STAT1: variants seen among roughly 807,000 people sequenced by gnomAD.
STAT1 encodes signal transducer and activator of transcription 1-alpha/beta.
A neutral mutation model predicts 111.7 loss-of-function variants in STAT1; 24 were observed. The ratio of observed to expected loss-of-function variants is 0.21; its 90% CI spans 0.16 to 0.30. STAT1 has a LOEUF of 0.30. Ranked by LOEUF, STAT1 falls within the 10% of genes least tolerant of loss-of-function variation. The probability of loss-of-function intolerance (pLI) is 1.00; values close to 1 mark genes in which losing one functional copy is unlikely to be tolerated. For synonymous variants in STAT1, 332 were observed against 326.5 expected, an observed-to-expected ratio of 1.02 and a Z score of -0.18; for missense variants, 351 against 911.9, an observed-to-expected ratio of 0.38 and a Z score of 7.92.
intron 10 of STAT1, among the ~76,000 whole-genome samples, chr2:190,994,692 G>A (rs1164778470): frequency 1.3e-5 from 2 of 151,928 alleles, no homozygotes; most frequent in African/African-American, 4.8e-5. Context: ...AGGCCGAGGA[G>A]GGCAGATCAC....
intron 4 of STAT1, 120 bp downstream of exon 4, chr2:191,008,843 A>T: frequency 1.0e-6 from 1 of 998,814 alleles, no homozygotes; most frequent in East Asian, 2.6e-5. Context: ...AAATGGAGTT[A>T]GTCTCTATTA....
chr2:190,991,907 C>G (rs1693372339), intron 10 of STAT1, among the ~76,000 whole-genome samples: 1 of 152,096 alleles, frequency 6.6e-6, no homozygotes, highest in Admixed American at 6.6e-5. Context: ...TGTTCATTTA[C>G]ATGTCAGAAT....
chr2:190,978,607 C>A lies in STAT1; in HGVS notation c.1873+249G>T. ...CATCCTTGATCTGCAGATAACAAAC[C>A]TGATGCAAAGGAAAGAATTGGCATT... On this transcript the variant is annotated intron_variant, in intron 21 of 24. Coordinates refer to ENST00000361099, the MANE Select transcript of STAT1 (RefSeq NM_007315.4). The surrounding 1 kb of genome is among the most constrained non-coding windows in gnomAD (Gnocchi z 6.1). The A allele has an allele frequency of 1.8e-6, 1 of 556,838 alleles. No individual in the cohort carries two copies. The highest frequency in any genetic ancestry group is 3.3e-6 in the Non-Finnish European group (1 of 307,384). The allele number at this position is 556,838 out of a possible 1,614,324, so 34.5% of individuals were successfully genotyped here.
In STAT1 at chr2:190,978,165, ACAAAT is replaced by A. The variant is rs1189567283; in HGVS notation, c.1873+686_1873+690del. Among the ~76,000 whole-genome samples the A allele has an allele frequency of 6.6e-6, 1 of 152,186 alleles. No individual in the cohort carries two copies. The highest frequency in any genetic ancestry group is 1.5e-5 in the Non-Finnish European group (1 of 68,028). The stretch of plus-strand genomic sequence containing the variant: ...CACTGAAAGTATAAAAATTACTAAA[ACAAAT>A]CAGTTTTTCCTCCTGCCCTTCAAAC... On this transcript the variant is annotated intron_variant, in intron 21 of 24. Coordinates refer to ENST00000361099, the MANE Select transcript of STAT1 (RefSeq NM_007315.4). The surrounding 1 kb of genome is among the most constrained non-coding windows in gnomAD (Gnocchi z 6.1).
rs983285461 is a variant in STAT1 at position 190,987,731 on chromosome 2, G to A, written c.1098-663C>T. Among the ~76,000 whole-genome samples the A allele has an allele frequency of 7.2e-5, 11 of 152,220 alleles. No individual in the cohort carries two copies. The highest frequency in any genetic ancestry group is 2.1e-4 in the South Asian group (1 of 4,822). On this transcript the variant is annotated intron_variant, in intron 12 of 24. Transcript: ENST00000361099. This position sits in a 1 kb window ranked among gnomAD's most constrained non-coding sequence, Gnocchi z 4.0. ...CTGGCCAAATAATGTATCCGTGAGC[G>A]TCCTAGATGTAGACTAGAAATCATG...
chr2:190,980,205 C>T lies in STAT1; in HGVS notation c.1633-339G>A, dbSNP rs925745580. Among the ~76,000 whole-genome samples the T allele has an allele frequency of 5.9e-5, 9 of 152,216 alleles. No homozygotes were observed. The highest frequency in any genetic ancestry group is 3.9e-4 in the Admixed American group (6 of 15,288). On this transcript the variant is annotated intron_variant, in intron 19 of 24. Coordinates refer to ENST00000361099, the MANE Select transcript of STAT1 (RefSeq NM_007315.4). This position sits in a 1 kb window ranked among gnomAD's most constrained non-coding sequence, Gnocchi z 6.1. ...CAAAATCCAGCAGTGCAAGCTGGTC[C>T]GCACTGTCTGGTGACTCCAGCAGAA...
chr2:190,985,274 C>G (rs1240016333), intron 15 of STAT1, among the ~76,000 whole-genome samples: 1 of 152,188 alleles, frequency 6.6e-6, no homozygotes, highest in Non-Finnish European at 1.5e-5. Context: ...CCTCTCGTTC[C>G]AACTCTGACA....
chr2:190,999,009 A>T lies in STAT1; in HGVS notation c.541+617T>A, dbSNP rs1465584271. ...GAACCATGGTATACCCCAGATGATG[A>T]ATAGAGTAACAGCAGTACCCTACGT... is the stretch of plus-strand genomic sequence containing the variant. On this transcript the variant is annotated intron_variant, in intron 7 of 24. Transcript: ENST00000361099. The surrounding 1 kb of genome is among the most constrained non-coding windows in gnomAD (Gnocchi z 4.1). 6.6e-6 allele frequency among the ~76,000 whole-genome samples: 1 copy of T among 152,178 alleles called. No homozygotes were observed. Among genetic ancestry groups the T allele is most frequent in the Non-Finnish European group, 1.5e-5 (1 of 68,032 alleles).
Position 190,990,803 on chromosome 2 carries a change from C to A in STAT1, c.1037+425G>T. ...TTATATCACGGACTGCTTTGAGAAA[C>A]TGATGAAAGCTATAAATCCATCCAT... On this transcript the variant is annotated intron_variant, in intron 11 of 24. Transcript: ENST00000361099. The surrounding 1 kb of genome is among the most constrained non-coding windows in gnomAD (Gnocchi z 5.1). 6.6e-6 allele frequency among the ~76,000 whole-genome samples: 1 copy of A among 152,318 alleles called. No individual in the cohort carries two copies. Among genetic ancestry groups the A allele is most frequent in the East Asian group, 1.9e-4 (1 of 5,184 alleles).
rs1691626884 is a variant in STAT1, at chr2:190,973,049, A to G, written c.2238+1781T>C. Among the ~76,000 whole-genome samples, 2 of 152,110 alleles carry G rather than the reference A, an allele frequency of 1.3e-5. No homozygotes were observed. Among genetic ancestry groups the G allele is most frequent in the African/African-American group, 4.8e-5 (2 of 41,420 alleles). On this transcript the variant is annotated intron_variant, in intron 24 of 24. Coordinates refer to ENST00000361099, the MANE Select transcript of STAT1 (RefSeq NM_007315.4). The surrounding 1 kb of genome is among the most constrained non-coding windows in gnomAD (Gnocchi z 4.4). The stretch of plus-strand genomic sequence containing the variant: ...CCACAGGACTGCAGAGAGGGAACCA[A>G]TCCATCTATTTTCTCAATAATGGTG...
Position 190,990,083 on chromosome 2 carries a change from A to T in STAT1, c.1038-409T>A, listed in dbSNP as rs1056759391. 1.3e-5 allele frequency among the ~76,000 whole-genome samples: 2 copies of T among 152,180 alleles called. No individual in the cohort carries two copies. Among genetic ancestry groups the T allele is most frequent in the Non-Finnish European group, 2.9e-5 (2 of 68,022 alleles). ...TATCTAATCTTTGTCCTGTTGGGAG[A>T]CAATAAAAACTATTGCCCATAAGCA... is the stretch of plus-strand genomic sequence containing the variant. On this transcript the variant is annotated intron_variant, in intron 11 of 24. Transcript: ENST00000361099. The surrounding 1 kb of genome is among the most constrained non-coding windows in gnomAD (Gnocchi z 5.1).
Position 190,980,021 on chromosome 2 carries a change from T to A in STAT1, c.1633-155A>T, listed in dbSNP as rs1231553057. 2.6e-5 allele frequency among the ~76,000 whole-genome samples: 4 copies of A among 152,104 alleles called. No individual in the cohort carries two copies. Among genetic ancestry groups the A allele is most frequent in the Non-Finnish European group, 4.4e-5 (3 of 68,022 alleles). On this transcript the variant is annotated intron_variant, in intron 19 of 24. Coordinates refer to ENST00000361099, the MANE Select transcript of STAT1 (RefSeq NM_007315.4). This position sits in a 1 kb window ranked among gnomAD's most constrained non-coding sequence, Gnocchi z 6.1. Reference sequence around the variant, plus strand: ...GGGATCCCTCCCCTGGCAGGGAATATCAAGTTCCCTCCCCGCTCTTATCAG... The same window carrying A: ...GGGATCCCTCCCCTGGCAGGGAATAACAAGTTCCCTCCCCGCTCTTATCAG...
Position 191,003,754 on chromosome 2 carries a change from G to C in STAT1, c.373-2591C>G, listed in dbSNP as rs1335939393. On this transcript the variant is annotated intron_variant, in intron 5 of 24. Coordinates refer to ENST00000361099, the MANE Select transcript of STAT1 (RefSeq NM_007315.4). The surrounding 1 kb of genome is among the most constrained non-coding windows in gnomAD (Gnocchi z 4.0). Reference sequence around the variant, plus strand: ...TTTTCTTATAAATTACCCAGTCTCAGGTATTTCTTTATAGCCATGCAAGAA... The same window carrying C: ...TTTTCTTATAAATTACCCAGTCTCACGTATTTCTTTATAGCCATGCAAGAA... Among the ~76,000 whole-genome samples the C allele has an allele frequency of 6.6e-6, 1 of 152,156 alleles. No individual in the cohort carries two copies. The highest frequency in any genetic ancestry group is 1.9e-4 in the East Asian group (1 of 5,194).
At chr2:190,985,853 G>GA (rs2125030325) in intron 14 of STAT1, among the ~76,000 whole-genome samples, 193 bp from the exon 15 acceptor site, 1 of 152,296 alleles carries the variant, frequency 6.6e-6, no homozygotes, top group South Asian at 2.1e-4. Context: ...GTGGCCTCAT[G>GA]GTGCGGACAC....
chr2:190,985,261 T>C (rs1692713850), intron 15 of STAT1, among the ~76,000 whole-genome samples: 1 of 152,204 alleles, frequency 6.6e-6, no homozygotes, highest in Non-Finnish European at 1.5e-5. Context: ...GTCATCAAAG[T>C]GGCCTCTCGT....
rs1250453873 is a variant in STAT1 at position 190,975,618 on chromosome 2, G to GT, written c.2135+193dup. On this transcript the variant is annotated intron_variant, in intron 23 of 24. Transcript: ENST00000361099. The surrounding 1 kb of genome is among the most constrained non-coding windows in gnomAD (Gnocchi z 5.9). ...TTTATATACCTTAAATACAAATTTG[G>GT]TTTTTGGCTTTTTTTTTTTTTTTAA... The GT allele has an allele frequency of 1.4e-6, 2 of 1,431,598 alleles. No homozygotes were observed. The highest frequency in any genetic ancestry group is 2.5e-5 in the East Asian group (1 of 39,350). The allele number at this position is 1,431,598 out of a possible 1,614,324, so 88.7% of individuals were successfully genotyped here.
In STAT1 at chr2:190,986,268, G is replaced by A. The variant is rs889854225; in HGVS notation, c.1221+586C>T. Among the ~76,000 whole-genome samples, 3 of 152,162 alleles carry A rather than the reference G, an allele frequency of 2.0e-5. No homozygotes were observed. The highest frequency in any genetic ancestry group is 7.2e-5 in the African/African-American group (3 of 41,436). ...GGTTCTGGGCCCAGGGAAAGCTTCG[G>A]ACTCAGCACCCACAGAGCCTCACAG... On this transcript the variant is annotated intron_variant, in intron 14 of 24. Coordinates refer to ENST00000361099, the MANE Select transcript of STAT1 (RefSeq NM_007315.4). This position sits in a 1 kb window ranked among gnomAD's most constrained non-coding sequence, Gnocchi z 5.0.
rs1343301384 is a variant in STAT1, at chr2:190,997,750, CTAA to C, written c.785+103_785+105del. The C allele has an allele frequency of 5.9e-6, 9 of 1,517,212 alleles. No homozygotes were observed. Among genetic ancestry groups the C allele is most frequent in the Non-Finnish European group, 8.2e-6 (9 of 1,103,698 alleles). The allele number at this position is 1,517,212 out of a possible 1,614,324, so 94.0% of individuals were successfully genotyped here. A position where few individuals can be genotyped will look rare whatever the true frequency, so the allele number is the denominator to read the frequency against. On this transcript the variant is annotated intron_variant, in intron 9 of 24. Transcript: ENST00000361099. The surrounding 1 kb of genome is among the most constrained non-coding windows in gnomAD (Gnocchi z 7.3). ...AAGCTGGACTATGTCAAACTCTATA[CTAA>C]TGTTTTGACAGGGTCCATTCAACTA...
chr2:190,997,091 A>G lies in STAT1; in HGVS notation c.785+765T>C, dbSNP rs993949412. Among the ~76,000 whole-genome samples, 2 of 151,906 alleles carry G rather than the reference A, an allele frequency of 1.3e-5. No individual in the cohort carries two copies. Among genetic ancestry groups the G allele is most frequent in the Non-Finnish European group, 2.9e-5 (2 of 67,958 alleles). On this transcript the variant is annotated intron_variant, in intron 9 of 24. Transcript: ENST00000361099. The surrounding 1 kb of genome is among the most constrained non-coding windows in gnomAD (Gnocchi z 7.3). The stretch of plus-strand genomic sequence containing the variant: ...TCCCACCGGGTCCACTTTCCTTCCC[A>G]TCTCCCTGGACACCCCACTCTCCAG...
Sources: allele counts gnomAD v4.1 joint callset (sites outside exome capture counted in the v4.1 genomes callset), GRCh38; gene constraint gnomAD v4.1.1; non-coding constraint Gnocchi (gnomAD v3.1); transcripts MANE v1.5; gene names NCBI Gene and HGNC (gene_info 2026-07-23, HGNC 2026-07-21).